Variants in ELP1 observed in about 807,000 individuals in gnomAD.
The protein encoded by ELP1 is elongator acetyltransferase complex subunit 1.
ELP1 carries 131 observed loss-of-function variants against 183.2 expected under a neutral mutation model. The observed-to-expected ratio is 0.72, with a 90% confidence interval of 0.62 to 0.83. The LOEUF is 0.83. ELP1 is among the 40% of genes least tolerant of loss of function. ELP1 has a pLI of 0.00. For synonymous variants in ELP1, 555 were observed against 569.0 expected (o/e 0.98, Z 0.35); for missense variants, 1,550 against 1,594.9 (o/e 0.97, Z 0.48).
intron 6 of ELP1, among the ~76,000 whole-genome samples, chr9:108,919,801 G>T (rs1361899241): frequency 6.6e-6 from 1 of 152,180 alleles, no homozygotes; most frequent in Non-Finnish European, 1.5e-5. Flanking sequence ...AGGTGGTAAA[G>T]GCAGCAGCAG....
At chr9:108,873,618 A>T (rs2118921387) in intron 36 of ELP1, among the ~76,000 whole-genome samples, 1 of 152,356 alleles carries the variant, frequency 6.6e-6, no homozygotes, top group Non-Finnish European at 1.5e-5. Flanking sequence ...GGTCAGCATC[A>T]GGCCAGCAAC....
chr9:108,917,484 A>T (rs1829482491), intron 9 of ELP1, 63 bp downstream of exon 9: 3 of 1,530,846 alleles, frequency 2.0e-6, no homozygotes, highest in Admixed American at 1.9e-5. Context: ...AAAAAAAAAA[A>T]ATTCCCTCTA....
chr9:108,915,921 T>C (rs558848729), intron 10 of ELP1, among the ~76,000 whole-genome samples: 1 of 152,190 alleles, frequency 6.6e-6, no homozygotes, highest in Non-Finnish European at 1.5e-5. Flanking sequence ...GACTTGACCA[T>C]GTGTGGATTT....
intron 10 of ELP1, among the ~76,000 whole-genome samples, chr9:108,913,939 T>C (rs530523758): frequency 1.3e-5 from 2 of 152,324 alleles, no homozygotes; most frequent in Admixed American, 6.5e-5. Flanking sequence ...TTAAAATCAC[T>C]TGGGGGCTTT....
rs1829704824 is a variant in ELP1 at position 108,922,983 on chromosome 9, T to C, written c.467-56A>G. On this transcript the variant is annotated intron_variant, in intron 5 of 36. Transcript: ENST00000374647. Reference sequence around the variant, plus strand: ...GCCACATGAAATGAAACAAAAACAGTTTCACTGCTATTCTTCATGAAGTTA... The same window carrying C: ...GCCACATGAAATGAAACAAAAACAGCTTCACTGCTATTCTTCATGAAGTTA... 4 of 1,243,578 alleles carry C rather than the reference T, an allele frequency of 3.2e-6. No individual in the cohort carries two copies. In the East Asian group the frequency reaches 9.3e-5, roughly 29 times the overall value. The allele number at this position is 1,243,578 out of a possible 1,614,324, so 77.0% of individuals were successfully genotyped here. A position where few individuals can be genotyped will look rare whatever the true frequency, so the allele number is the denominator to read the frequency against.
chr9:108,884,233 T>C (rs1828038193), intron 29 of ELP1, among the ~76,000 whole-genome samples: 1 of 152,188 alleles, frequency 6.6e-6, no homozygotes, highest in East Asian at 1.9e-4. Flanking sequence ...CTCATAAACA[T>C]GTATGCACCT....
chr9:108,883,780 A>G (rs1274651859), intron 29 of ELP1, among the ~76,000 whole-genome samples: 1 of 152,176 alleles, frequency 6.6e-6, no homozygotes, highest in African/African-American at 2.4e-5. Context: ...GAAATGAAGA[A>G]GTATAGCTAA....
At chr9:108,883,613 AATC>A (rs1828013235) in intron 29 of ELP1, among the ~76,000 whole-genome samples, 1 of 152,160 alleles carries the variant, frequency 6.6e-6, no homozygotes, top group Admixed American at 6.5e-5. Flanking sequence ...TTCCTTAAAC[AATC>A]ATTGATCACT....
chr9:108,884,601 A>C (rs1828054682), intron 29 of ELP1, among the ~76,000 whole-genome samples: 1 of 152,232 alleles, frequency 6.6e-6, no homozygotes, highest in African/African-American at 2.4e-5. Flanking sequence ...CAAATCTCCA[A>C]TATCTGCAAG....
chr9:108,899,984 G>GAGTTGTGGT, intron 19 of ELP1, 89 bp from the exon 20 acceptor site: 2 of 1,018,074 alleles, frequency 2.0e-6, no homozygotes, highest in Non-Finnish European at 3.1e-6. Flanking sequence ...TCTTCACAGA[G>GAGTTGTGGT]AATTACCACA....
intron 5 of ELP1, among the ~76,000 whole-genome samples, chr9:108,923,168 G>A (rs966684284): frequency 6.6e-6 from 1 of 152,088 alleles, no homozygotes; most frequent in Non-Finnish European, 1.5e-5. Context: ...CCAGGAGTTC[G>A]AGACCAGCCT....
chr9:108,912,197 A>G, intron 11 of ELP1, 67 bp downstream of exon 11: 1 of 1,221,636 alleles, frequency 8.2e-7, no homozygotes, highest in Non-Finnish European at 1.2e-6. Context: ...CAGTCAAACC[A>G]CCACATCTGC....
At chr9:108,894,244 G>C (rs1828455048) in intron 25 of ELP1, among the ~76,000 whole-genome samples, 178 bp from the exon 26 acceptor site, 2 of 152,176 alleles carry the variant, frequency 1.3e-5, no homozygotes, top group East Asian at 1.9e-4. Flanking sequence ...AGTATCTATG[G>C]GGAATTGGTT....
At chr9:108,901,300 A>C in intron 18 of ELP1, 125 bp downstream of exon 18, 1 of 722,198 alleles carries the variant, frequency 1.4e-6, no homozygotes, top group Non-Finnish European at 2.5e-6. Context: ...AATAACTCTA[A>C]AGATTTTCTC....
rs2132013817 is a variant in ELP1 at position 108,911,100 on chromosome 9, C to CA, written c.1269dup (p.Val424CysfsTer14). On this transcript the variant is annotated frameshift_variant, in exon 12 of 37. Transcript: ENST00000374647. LOFTEE classifies it high-confidence loss of function. ...TGTGCTAAGAATGTGACTTGATTCACAGGGTGTGGGAACAGCAGTTGGTAG... is the reference window on the plus strand; with the variant it reads ...TGTGCTAAGAATGTGACTTGATTCACAAGGGTGTGGGAACAGCAGTTGGTAG... 1 of 1,614,158 alleles carries CA rather than the reference C, an allele frequency of 6.2e-7. No homozygotes were observed. The highest frequency in any genetic ancestry group is 8.5e-7 in the Non-Finnish European group (1 of 1,180,032).
intron 24 of ELP1, 132 bp downstream of exon 24, chr9:108,896,821 G>A (rs1828568083): frequency 9.4e-7 from 1 of 1,066,394 alleles, no homozygotes; most frequent in African/African-American, 1.6e-5. Context: ...AAACTGACAA[G>A]GGTCTTAAAA....
intron 25 of ELP1, 116 bp from the exon 26 acceptor site, chr9:108,894,182 T>TA: frequency 1.7e-6 from 1 of 592,894 alleles, no homozygotes. Context: ...ATGTGTATTA[T>TA]ATATTAACTG....
Position 108,898,723 on chromosome 9 carries a change from C to A in ELP1, c.2231G>T (p.Cys744Phe). The part of the protein sequence containing the change: ...DKLMFKEAFE[C>F]MRKLRINLNL... The stretch of plus-strand genomic sequence containing the variant: ...GAGATTGATTCTCAGCTTTCTCATG[C>A]ATTCAAATGCCTCTTTAAACATAAG... Residue 744 changes from cysteine (C) to phenylalanine (F), a missense_variant, in exon 21 of 37, where the codon TGC (cysteine) becomes TTC (phenylalanine). Coordinates refer to ENST00000374647, the MANE Select transcript of ELP1 (RefSeq NM_003640.5). 6.2e-7 allele frequency: 1 copy of A among 1,611,986 alleles called. No homozygotes were observed. Among genetic ancestry groups the A allele is most frequent in the Non-Finnish European group, 8.5e-7 (1 of 1,178,738 alleles).
rs757251624 is a variant in ELP1 at position 108,877,961 on chromosome 9, GAA to G, written c.3855+32_3855+33del. ...GAATACAATAACCCATGAAAATGAT[GAA>G]AAAAATGCACACCGTCTCTGAGAAA... is the stretch of plus-strand genomic sequence containing the variant. On this transcript the variant is annotated intron_variant, in intron 35 of 36. Coordinates refer to ENST00000374647, the MANE Select transcript of ELP1 (RefSeq NM_003640.5). 8.1e-6 allele frequency: 13 copies of G among 1,612,596 alleles called. No individual in the cohort carries two copies. The Admixed American group carries it at 2.0e-4, about 25-fold the overall frequency.
Sources: gnomAD v4.1 joint callset for allele counts (sites outside exome capture counted in the v4.1 genomes callset) on GRCh38, gnomAD v4.1.1 for gene constraint, MANE v1.5 for transcripts, NCBI Gene and HGNC (gene_info 2026-07-23, HGNC 2026-07-21) for gene names.